The following PDE4D variants were observed in gnomAD, a reference collection of about 807,000 sequenced individuals.
PDE4D encodes phosphodiesterase 4D.
Under a neutral mutation model 87.4 loss-of-function variants are expected in PDE4D, and 24 were observed. The observed-to-expected ratio is 0.27, with a 90% CI of 0.20 to 0.39. The LOEUF (loss-of-function observed/expected upper bound fraction) is 0.39. Ranked by LOEUF, PDE4D falls within the 10% of genes least tolerant of loss-of-function variation. The probability of loss-of-function intolerance (pLI) is 1.00; values close to 1 mark genes in which losing one functional copy is unlikely to be tolerated. For synonymous variants in PDE4D, 384 were observed against 383.2 expected, an observed-to-expected ratio of 1.00 and a Z score of -0.02; for missense variants, 714 against 1,041.0, an observed-to-expected ratio of 0.69 and a Z score of 4.32.
intron 6 of PDE4D, among the ~76,000 whole-genome samples, chr5:59,034,199 A>G (rs1230106663): frequency 6.6e-6 from 1 of 152,172 alleles, no homozygotes; most frequent in Non-Finnish European, 1.5e-5. Context: ...TATTGAGTAG[A>G]TGAAAAAGCA....
At chr5:60,383,686 T>A (rs1002852205) in intron 1 of PDE4D, among the ~76,000 whole-genome samples, 1 of 152,232 alleles carries the variant, frequency 6.6e-6, no homozygotes, top group African/African-American at 2.4e-5. Flanking sequence ...TCAATCATTA[T>A]CACTTTATAC....
chr5:59,838,141 A>G (rs186676396), intron 1 of PDE4D, among the ~76,000 whole-genome samples: 20 of 152,196 alleles, frequency 1.3e-4, no homozygotes, highest in African/African-American at 3.8e-4. Flanking sequence ...AAAAAAGTGG[A>G]GTTGTTCTGA....
At chr5:60,149,400 C>T (rs1037406625) in intron 2 of PDE4D, among the ~76,000 whole-genome samples, 1 of 152,100 alleles carries the variant, frequency 6.6e-6, no homozygotes, top group African/African-American at 2.4e-5. Flanking sequence ...CAGCATTAAT[C>T]TATTCATGAT....
At chr5:60,141,730 CCATTTAAATAGA>C (rs1780553724) in intron 2 of PDE4D, among the ~76,000 whole-genome samples, 1 of 152,054 alleles carries the variant, frequency 6.6e-6, no homozygotes, top group African/African-American at 2.4e-5. Flanking sequence ...GCAATAACTG[CCATTTAAATAGA>C]CATAATCTTG....
At chr5:59,506,054 G>C (rs1294725638) in intron 1 of PDE4D, among the ~76,000 whole-genome samples, 3 of 152,062 alleles carry the variant, frequency 2.0e-5, no homozygotes, top group Non-Finnish European at 4.4e-5. Flanking sequence ...GGAACCGTGA[G>C]AAAGTAGAAA....
chr5:59,104,226 A>G (rs1278288439), intron 5 of PDE4D, among the ~76,000 whole-genome samples: 1 of 152,250 alleles, frequency 6.6e-6, no homozygotes, highest in East Asian at 1.9e-4. Flanking sequence ...TATGAACCAG[A>G]TAGTATGCTG....
intron 1 of PDE4D, among the ~76,000 whole-genome samples, chr5:60,462,037 G>T (rs1445726963): frequency 6.6e-6 from 1 of 152,062 alleles, no homozygotes; most frequent in Non-Finnish European, 1.5e-5. Flanking sequence ...ACCACTCTAG[G>T]GCCAGGTATC....
chr5:59,178,003 C>T (rs1215769344), intron 5 of PDE4D, among the ~76,000 whole-genome samples: 3 of 152,126 alleles, frequency 2.0e-5, no homozygotes, highest in Non-Finnish European at 2.9e-5. Context: ...GTTCCAACTT[C>T]AGGGGGAGTG....
chr5:60,347,808 G>A (rs577078248), intron 1 of PDE4D, among the ~76,000 whole-genome samples: 87 of 152,150 alleles, frequency 5.7e-4, no homozygotes, highest in Non-Finnish European at 1.1e-3. Flanking sequence ...GCCATGATGG[G>A]AAAAAGTAGA....
Position 59,144,047 on chromosome 5 carries a change from T to C in PDE4D, c.808+36548A>G, listed in dbSNP as rs892784482. 1.5e-4 allele frequency among the ~76,000 whole-genome samples: 23 copies of C among 152,250 alleles called. 1 individual carries two copies. Among genetic ancestry groups the C allele is most frequent in the Admixed American group, 1.3e-3 (20 of 15,288 alleles). ...CCAATTATAGCTGCTAGTCACATGC[T>C]TTAAAGATCACAGATCCAAATAAAG... On this transcript the variant is annotated intron_variant, in intron 5 of 14. Coordinates refer to ENST00000340635, the MANE Select transcript of PDE4D (RefSeq NM_001104631.2).
chr5:60,482,645 T>A (rs1748822596), intron 1 of PDE4D, among the ~76,000 whole-genome samples: 3 of 152,188 alleles, frequency 2.0e-5, no homozygotes, highest in African/African-American at 7.2e-5. Flanking sequence ...ACTTTAGGCT[T>A]TGATTGAGTG....
At chr5:59,594,955 TG>T (rs963340662) in intron 1 of PDE4D, among the ~76,000 whole-genome samples, 1 of 152,020 alleles carries the variant, frequency 6.6e-6, no homozygotes, top group African/African-American at 2.4e-5. Flanking sequence ...ATATTGATAA[TG>T]GGGTGGCTAT....
At chr5:59,649,087 C>T (rs1283647708) in intron 1 of PDE4D, among the ~76,000 whole-genome samples, 2 of 152,144 alleles carry the variant, frequency 1.3e-5, no homozygotes, top group Non-Finnish European at 2.9e-5. Flanking sequence ...CTTGTGACCA[C>T]ATAGGGCACA....
Position 59,780,031 on chromosome 5 carries a change from C to T in PDE4D, c.455+113137G>A, listed in dbSNP as rs1455770161. On this transcript the variant is annotated intron_variant, in intron 1 of 14. Coordinates refer to ENST00000340635, the MANE Select transcript of PDE4D (RefSeq NM_001104631.2). ...CTAGTTGTCAATGCCTTTTTTCCCTCGAGAATACCTTCTATTTCTTAGGCA... is the reference window on the plus strand; with the variant it reads ...CTAGTTGTCAATGCCTTTTTTCCCTTGAGAATACCTTCTATTTCTTAGGCA... Among the ~76,000 whole-genome samples, 4 of 152,086 alleles carry T rather than the reference C, an allele frequency of 2.6e-5. No individual in the cohort carries two copies. The East Asian group carries it at 5.8e-4, about 22-fold the overall frequency.
In PDE4D at chr5:59,514,511, TTTTA is replaced by T. The variant is rs1047172576; in HGVS notation, c.456-298547_456-298544del. On this transcript the variant is annotated intron_variant, in intron 1 of 14. Coordinates refer to ENST00000340635, the MANE Select transcript of PDE4D (RefSeq NM_001104631.2). ...ACTTTTCTCAGTGGCCTCAAAATCA[TTTTA>T]TTTATTTATTTATTTTTACCTCACT... Among the ~76,000 whole-genome samples, 229 of 152,240 alleles carry T rather than the reference TTTTA, an allele frequency of 1.5e-3. 2 individuals carry two copies. Among genetic ancestry groups the T allele is most frequent in the African/African-American group, 5.1e-3 (213 of 41,556 alleles).
At chr5:60,174,155 T>C (rs1049114815) in intron 2 of PDE4D, among the ~76,000 whole-genome samples, 1 of 151,972 alleles carries the variant, frequency 6.6e-6, no homozygotes, top group African/African-American at 2.4e-5. Context: ...AATATGGAAA[T>C]TGAGAGATAA....
intron 1 of PDE4D, among the ~76,000 whole-genome samples, chr5:59,590,468 C>T (rs996873499): frequency 1.3e-5 from 2 of 151,980 alleles, no homozygotes; most frequent in Non-Finnish European, 2.9e-5. Context: ...TAACTTGAGC[C>T]CATTTCAAGA....
chr5:59,393,051 A>G (rs948187757), intron 1 of PDE4D, among the ~76,000 whole-genome samples: 3 of 152,198 alleles, frequency 2.0e-5, no homozygotes, highest in African/African-American at 7.2e-5. Flanking sequence ...AATGAAAAGA[A>G]AAAGTAATGA....
chr5:59,616,915 T>TTATATATATATATATATATATA (rs1561333178), intron 1 of PDE4D, among the ~76,000 whole-genome samples: 2 of 12,288 alleles, frequency 1.6e-4, no homozygotes, highest in Admixed American at 1.1e-3. Context: ...GACCTAATAA[T>TTATATATATATATATATATATA]TACATATATA....
Sources: gnomAD v4.1 joint callset for allele counts (sites outside exome capture counted in the v4.1 genomes callset) on GRCh38, gnomAD v4.1.1 for gene constraint, MANE v1.5 for transcripts, NCBI Gene and HGNC (gene_info 2026-07-23, HGNC 2026-07-21) for gene names.